Variants in PABPC4L observed in about 807,000 individuals in gnomAD.
PABPC4L encodes the protein poly(A) binding protein cytoplasmic 4 like, also known as polyadenylate-binding protein 4-like.
For synonymous variants in PABPC4L, 169 were observed against 164.1 expected, an observed-to-expected ratio of 1.03 and a Z score of -0.23; for missense variants, 452 against 451.4, an observed-to-expected ratio of 1.00 and a Z score of -0.01.
the PABPC4L span, among the ~76,000 whole-genome samples, chr4:134,034,341 G>C: frequency 6.6e-6 from 1 of 151,914 alleles, no homozygotes; most frequent in Non-Finnish European, 1.5e-5. Context: ...TGACCGAGAT[G>C]TACAAGGAAA....
the PABPC4L span, among the ~76,000 whole-genome samples, chr4:133,966,574 T>C: frequency 6.6e-6 from 1 of 152,242 alleles, no homozygotes; most frequent in East Asian, 1.9e-4. Context: ...ATCAATAAAC[T>C]AGTGGATAAA....
At chr4:134,080,822 C>T in the PABPC4L span, among the ~76,000 whole-genome samples, 1 of 152,166 alleles carries the variant, frequency 6.6e-6, no homozygotes, top group Middle Eastern at 3.4e-3. Context: ...TATGTTTAAT[C>T]TACATAGAAC....
At chr4:133,975,414 G>T in the PABPC4L span, among the ~76,000 whole-genome samples, 1 of 151,892 alleles carries the variant, frequency 6.6e-6, no homozygotes, top group Non-Finnish European at 1.5e-5. Flanking sequence ...AAGATATAAT[G>T]GTAGCACCAC....
chr4:133,968,965 C>T, the PABPC4L span, among the ~76,000 whole-genome samples: 1 of 152,018 alleles, frequency 6.6e-6, no homozygotes, highest in African/African-American at 2.4e-5. Context: ...AACTAGACAC[C>T]CAACCTGGGG....
At chr4:134,007,017 C>T in the PABPC4L span, among the ~76,000 whole-genome samples, 2 of 151,628 alleles carry the variant, frequency 1.3e-5, no homozygotes, top group African/African-American at 4.8e-5. Flanking sequence ...TTTGGATTAA[C>T]CAAATGCTCC....
At chr4:134,021,096 C>T in the PABPC4L span, among the ~76,000 whole-genome samples, 1 of 152,020 alleles carries the variant, frequency 6.6e-6, no homozygotes, top group South Asian at 2.1e-4. Flanking sequence ...TAAATTATAC[C>T]TCTTATTTAA....
At chr4:134,042,754 C>T in the PABPC4L span, among the ~76,000 whole-genome samples, 1 of 152,004 alleles carries the variant, frequency 6.6e-6, no homozygotes, top group African/African-American at 2.4e-5. Flanking sequence ...ACAAAACATA[C>T]ATTAAACATA....
the PABPC4L span, among the ~76,000 whole-genome samples, chr4:134,031,052 T>C: frequency 2.0e-4 from 30 of 152,192 alleles, no homozygotes; most frequent in African/African-American, 6.7e-4. Context: ...TATCCAGCTC[T>C]AAATGGTTGC....
At chr4:134,124,242 T>A in the PABPC4L span, among the ~76,000 whole-genome samples, 1 of 152,036 alleles carries the variant, frequency 6.6e-6, no homozygotes, top group African/African-American at 2.4e-5. Context: ...TCAGGGTACA[T>A]AAGACCTCCT....
the PABPC4L span, among the ~76,000 whole-genome samples, chr4:133,974,459 A>C: frequency 3.3e-5 from 5 of 152,144 alleles, no homozygotes; most frequent in Non-Finnish European, 7.4e-5. Context: ...TGGGTTAACC[A>C]AATGTTTTTT....
At chr4:134,083,678 A>C in the PABPC4L span, among the ~76,000 whole-genome samples, 1 of 152,176 alleles carries the variant, frequency 6.6e-6, no homozygotes, top group African/African-American at 2.4e-5. Context: ...CATTCAGAAC[A>C]TTCCTAATTG....
At chr4:134,027,948 A>G in the PABPC4L span, among the ~76,000 whole-genome samples, 14 of 152,282 alleles carry the variant, frequency 9.2e-5, no homozygotes, top group African/African-American at 3.1e-4. Context: ...AGATATCATA[A>G]TAAATTGTTC....
At chr4:134,176,848 C>T in the PABPC4L span, among the ~76,000 whole-genome samples, 1 of 152,084 alleles carries the variant, frequency 6.6e-6, no homozygotes, top group African/African-American at 2.4e-5. Context: ...CCCTGGCGCC[C>T]CCATACCCCC....
At chr4:134,143,278 A>T in the PABPC4L span, among the ~76,000 whole-genome samples, 1 of 150,266 alleles carries the variant, frequency 6.7e-6, no homozygotes. Context: ...AGCATACTAA[A>T]TATAATAAAT....
Position 134,199,848 on chromosome 4 carries a change from G to A in PABPC4L, c.*59C>T. On this transcript the variant is annotated 3_prime_UTR_variant, in exon 2 of 2. Coordinates refer to ENST00000421491, the MANE Select transcript of PABPC4L (RefSeq NM_001114734.2). ...ATTTACTGAGGTCAATTCAGGCAGAGATCACTATCATTCTCCCACCTGCTG... is the reference window on the plus strand; with the variant it reads ...ATTTACTGAGGTCAATTCAGGCAGAAATCACTATCATTCTCCCACCTGCTG... 4 of 1,525,792 alleles carry A rather than the reference G, an allele frequency of 2.6e-6. No individual in the cohort carries two copies. The highest frequency in any genetic ancestry group is 3.5e-6 in the Non-Finnish European group (4 of 1,136,332). 94.5% of individuals were successfully genotyped at this position (1,525,792 alleles called of 1,614,324 possible). A position where few individuals can be genotyped will look rare whatever the true frequency, so the allele number is the denominator to read the frequency against.
the PABPC4L span, among the ~76,000 whole-genome samples, chr4:134,191,097 C>T: frequency 2.0e-5 from 3 of 152,072 alleles, no homozygotes; most frequent in African/African-American, 4.8e-5. Context: ...TGATATTCAT[C>T]TCTTGAAATG....
At chr4:134,048,599 T>G in the PABPC4L span, among the ~76,000 whole-genome samples, 1 of 152,122 alleles carries the variant, frequency 6.6e-6, no homozygotes, top group Non-Finnish European at 1.5e-5. Flanking sequence ...AAAATACAAT[T>G]ATTACATTTG....
chr4:134,053,333 G>A, the PABPC4L span, among the ~76,000 whole-genome samples: 2 of 152,074 alleles, frequency 1.3e-5, no homozygotes, highest in Non-Finnish European at 2.9e-5. Flanking sequence ...ATGTGGATGG[G>A]CACCCTTGTT....
the PABPC4L span, among the ~76,000 whole-genome samples, chr4:134,189,808 A>G: frequency 6.6e-6 from 1 of 152,002 alleles, no homozygotes; most frequent in Non-Finnish European, 1.5e-5. Context: ...GAATAACTAG[A>G]GTTGACTGGA....
Sources: allele counts gnomAD v4.1 joint callset (sites outside exome capture counted in the v4.1 genomes callset), GRCh38; gene constraint gnomAD v4.1.1; transcripts MANE v1.5; gene names NCBI Gene and HGNC (gene_info 2026-07-23, HGNC 2026-07-21).